TRIM36: variants seen among roughly 807,000 people sequenced by gnomAD.
The protein encoded by TRIM36 is tripartite motif containing 36.
A neutral mutation model predicts 72.4 loss-of-function variants in TRIM36; 42 were observed. The observed-to-expected ratio is 0.58, with a 90% CI of 0.45 to 0.75. TRIM36 has a LOEUF of 0.75. Ranked by LOEUF, TRIM36 falls within the 30% of genes least tolerant of loss-of-function variation. The pLI is 0.00. For missense variants in TRIM36, 913 were observed against 857.1 expected (o/e 1.07, Z -0.81); for synonymous variants, 315 against 282.8 (o/e 1.11, Z -1.14).
intron 2 of TRIM36, among the ~76,000 whole-genome samples, chr5:115,150,751 G>T (rs985503822): frequency 6.6e-6 from 1 of 152,182 alleles, no homozygotes; most frequent in Non-Finnish European, 1.5e-5. Flanking sequence ...GAGATTGTCT[G>T]CCCCTGAACA....
chr5:115,137,029 A>G lies in TRIM36; in HGVS notation c.1181T>C (p.Leu394Pro). The change falls in exon 7 of 10, where the codon CTT (leucine) becomes CCT (proline). Residue 394 changes from leucine (L) to proline (P), a missense_variant. Transcript: ENST00000513154. ...AGAGAAAAAGGATAATTCTCCAAGAAGTTCTGTTTGTTTAGAGGTATTAAC... is the reference window on the plus strand; with the variant it reads ...AGAGAAAAAGGATAATTCTCCAAGAGGTTCTGTTTGTTTAGAGGTATTAAC... ...YVVNTSKQTE[L>P]LGELSFFSSG... The G allele has an allele frequency of 6.2e-7, 1 of 1,604,920 alleles. No individual in the cohort carries two copies. Among genetic ancestry groups the G allele is most frequent in the Admixed American group, 1.7e-5 (1 of 58,300 alleles).
At chr5:115,127,958 G>A (rs920212196) in intron 9 of TRIM36, among the ~76,000 whole-genome samples, 2 of 151,932 alleles carry the variant, frequency 1.3e-5, no homozygotes, top group Admixed American at 6.6e-5. Context: ...AGTGGAAGAC[G>A]ATGATATTGA....
intron 2 of TRIM36, chr5:115,149,227 T>A (rs911226934): frequency 6.6e-6 from 1 of 152,142 alleles, no homozygotes; most frequent in African/African-American, 2.4e-5. Context: ...AGCAGGCATA[T>A]CATGAAATAA....
At chr5:115,177,897 G>A (rs771970284) in intron 1 of TRIM36, 8 of 1,611,348 alleles carry the variant, frequency 5.0e-6, no homozygotes, top group Non-Finnish European at 6.8e-6. Context: ...GACAGAGAGA[G>A]AGAGAGCAGA....
chr5:115,179,237 C>T (rs894674334), intron 1 of TRIM36, among the ~76,000 whole-genome samples: 1 of 152,212 alleles, frequency 6.6e-6, no homozygotes. Context: ...AGCCCAGCCT[C>T]CCGCACTGAC....
At chr5:115,163,375 C>A (rs1754589755) in intron 2 of TRIM36, 143 bp downstream of exon 2, 1 of 661,042 alleles carries the variant, frequency 1.5e-6, no homozygotes, top group African/African-American at 1.8e-5. Flanking sequence ...GGGGGAGGCC[C>A]CTTTATAACT....
Position 115,132,915 on chromosome 5 carries a change from T to C in TRIM36, c.1498+945A>G, listed in dbSNP as rs575395048. ...TGCAAATTCATCCCAAAACTCTCTA[T>C]TGGATTTGATTAAAATTTAAGAAAT... On this transcript the variant is annotated intron_variant, in intron 8 of 9. Transcript: ENST00000513154. Among the ~76,000 whole-genome samples the C allele has an allele frequency of 5.9e-5, 9 of 152,322 alleles. 1 individual carries two copies. Among genetic ancestry groups the C allele is most frequent in the Admixed American group, 5.2e-4 (8 of 15,306 alleles).
intron 4 of TRIM36, among the ~76,000 whole-genome samples, chr5:115,142,192 C>T (rs1753314693): frequency 6.6e-6 from 1 of 152,120 alleles, no homozygotes; most frequent in Non-Finnish European, 1.5e-5. Context: ...GGCTCAATTA[C>T]CACCGATGAC....
chr5:115,130,957 G>A lies in TRIM36; in HGVS notation c.1499-68C>T, dbSNP rs1213285504. On this transcript the variant is annotated intron_variant, in intron 8 of 9. Transcript: ENST00000513154. Reference sequence around the variant, plus strand: ...TGCTCTAGTTTGTTAAATCTGATAGGTTTTCTTACAGAAATTACTGAAGAG... The same window carrying A: ...TGCTCTAGTTTGTTAAATCTGATAGATTTTCTTACAGAAATTACTGAAGAG... 4 of 1,488,362 alleles carry A rather than the reference G, an allele frequency of 2.7e-6. No individual in the cohort carries two copies. In the Admixed American group the frequency reaches 8.3e-5, roughly 31 times the overall value. The allele number at this position is 1,488,362 out of a possible 1,614,324, so 92.2% of individuals were successfully genotyped here.
Position 115,179,953 on chromosome 5 carries a change from C to T in TRIM36, c.63+22G>A, listed in dbSNP as rs201644981. 30 of 1,612,474 alleles carry T rather than the reference C, an allele frequency of 1.9e-5. No homozygotes were observed. The East Asian group carries it at 6.7e-4, about 36-fold the overall frequency. ...CCGGAGTCGGGGGCCCAGGCCGCGG[C>T]GCCCCGCGCCTCATCACTTACCTTG... On this transcript the variant is annotated intron_variant, in intron 1 of 9. Coordinates refer to the TRIM36 transcript ENST00000282369.
chr5:115,177,925 G>T (rs1755417654), intron 1 of TRIM36: 4 of 1,584,440 alleles, frequency 2.5e-6, no homozygotes, highest in Non-Finnish European at 3.5e-6. Context: ...AGTAAATGAA[G>T]CCAGAAAGTT....
Position 115,132,191 on chromosome 5 carries a change from T to TGTGTGC in TRIM36, c.1499-1303_1499-1302insGCACAC, listed in dbSNP as rs1162076391. ...ATCTCTCTCTCTCTCTCTATGTGTG[T>TGTGTGC]GTGTGTGTGTGTGTATATATATATA... On this transcript the variant is annotated intron_variant, in intron 8 of 9. Coordinates refer to ENST00000513154, the MANE Select transcript of TRIM36 (RefSeq NM_001300759.2). Among the ~76,000 whole-genome samples, 144 of 149,270 alleles carry TGTGTGC rather than the reference T, an allele frequency of 9.6e-4. 2 individuals carry two copies. The highest frequency in any genetic ancestry group is 3.4e-3 in the African/African-American group (139 of 40,582).
chr5:115,165,312 G>C (rs1754703167), intron 1 of TRIM36, among the ~76,000 whole-genome samples: 1 of 152,206 alleles, frequency 6.6e-6, no homozygotes, highest in Non-Finnish European at 1.5e-5. Flanking sequence ...TTTCCCCTTT[G>C]CACTGCCCTA....
intron 1 of TRIM36, chr5:115,179,970 C>T: frequency 6.2e-7 from 1 of 1,614,004 alleles, no homozygotes; most frequent in Non-Finnish European, 8.5e-7. Flanking sequence ...CGCCTCATCA[C>T]TTACCTTGCC....
rs548897895 is a variant in TRIM36 at position 115,160,575 on chromosome 5, C to T, written c.262+2943G>A. 5.9e-5 allele frequency among the ~76,000 whole-genome samples: 9 copies of T among 152,260 alleles called. No homozygotes were observed. In the East Asian group the frequency reaches 1.4e-3, roughly 23 times the overall value. On this transcript the variant is annotated intron_variant, in intron 2 of 9. Coordinates refer to ENST00000513154, the MANE Select transcript of TRIM36 (RefSeq NM_001300759.2). ...AAACTAGACTGGGTATAGTGAATAA[C>T]GCCTGTAATCCCAGCACTTTGGAAG...
chr5:115,169,106 T>G (rs567627633), intron 1 of TRIM36: 2 of 154,210 alleles, frequency 1.3e-5, no homozygotes, highest in South Asian at 4.1e-4. Context: ...AAAACACTTG[T>G]AGGCTGACAG....
At chr5:115,132,296 G>A (rs1158612250) in intron 8 of TRIM36, among the ~76,000 whole-genome samples, 1 of 151,718 alleles carries the variant, frequency 6.6e-6, no homozygotes, top group Admixed American at 6.6e-5. Flanking sequence ...CACTTTGGGA[G>A]GCCGAGGTGG....
chr5:115,137,213 C>A, intron 6 of TRIM36, 89 bp from the exon 7 acceptor site: 1 of 1,476,140 alleles, frequency 6.8e-7, no homozygotes, highest in South Asian at 1.4e-5. Flanking sequence ...ATAAAACCCA[C>A]ACTTCACTCA....
At chr5:115,173,552 G>A (rs111545295), upstream of TRIM36, among the ~76,000 whole-genome samples, 17 of 151,844 alleles carry the variant, frequency 1.1e-4, no homozygotes, top group Admixed American at 7.2e-4. Flanking sequence ...GTGCGCGCAC[G>A]CATGTGTTGA....
Sources: allele counts gnomAD v4.1 joint callset (sites outside exome capture counted in the v4.1 genomes callset), GRCh38; gene constraint gnomAD v4.1.1; transcripts MANE v1.5; gene names NCBI Gene and HGNC (gene_info 2026-07-23, HGNC 2026-07-21).